The following OR7C1 variants were observed in gnomAD, a reference collection of about 807,000 sequenced individuals.
OR7C1 encodes the protein olfactory receptor family 7 subfamily C member 1.
For synonymous variants in OR7C1, 152 were observed against 160.7 expected (o/e 0.95, Z 0.41); for missense variants, 324 against 383.3 (o/e 0.85, Z 1.29).
At chr19:14,831,636 G>A (rs1190531457) in intron 1 of OR7C1, among the ~76,000 whole-genome samples, 2 of 152,042 alleles carry the variant, frequency 1.3e-5, no homozygotes, top group Middle Eastern at 3.4e-3. Context: ...GTAGAGATGG[G>A]GTTTCACCAT....
chr19:14,832,761 G>A (rs2044846081), intron 1 of OR7C1, among the ~76,000 whole-genome samples: 1 of 151,962 alleles, frequency 6.6e-6, no homozygotes, highest in South Asian at 2.1e-4. Context: ...GACGATGTAT[G>A]CATTATTAAA....
intron 1 of OR7C1, among the ~76,000 whole-genome samples, chr19:14,813,072 C>CAAAAAAAAA (rs61686100): frequency 1.1e-5 from 1 of 87,706 alleles, no homozygotes; most frequent in African/African-American, 3.7e-5. Context: ...GATTCCATCT[C>CAAAAAAAAA]AAAAAAAAAA....
chr19:14,824,935 T>G (rs1405480513), intron 1 of OR7C1: 1 of 152,200 alleles, frequency 6.6e-6, no homozygotes, highest in Non-Finnish European at 1.5e-5. Flanking sequence ...CTAAACAATG[T>G]CAAATACTGA....
intron 1 of OR7C1, among the ~76,000 whole-genome samples, chr19:14,813,144 A>C (rs551054017): frequency 1.1e-4 from 17 of 152,274 alleles, no homozygotes; most frequent in Non-Finnish European, 1.8e-4. Context: ...CTTCAAACCA[A>C]TATACCATAT....
At chr19:14,827,961 TA>T (rs751797631) in intron 1 of OR7C1, 1 of 1,614,082 alleles carries the variant, frequency 6.2e-7, no homozygotes, top group African/African-American at 1.3e-5. Context: ...GCAGGCTATG[TA>T]GGTGATGACT....
intron 2 of OR7C1, among the ~76,000 whole-genome samples, chr19:14,809,605 T>G (rs1199437805): frequency 6.6e-6 from 1 of 150,392 alleles, no homozygotes; most frequent in African/African-American, 2.5e-5. Context: ...AAACAGAGAT[T>G]GGAAGCAAGA....
intron 1 of OR7C1, among the ~76,000 whole-genome samples, chr19:14,817,064 G>A (rs1477243941): frequency 1.3e-5 from 2 of 152,058 alleles, no homozygotes; most frequent in South Asian, 2.1e-4. Context: ...GAAAAAAAAT[G>A]TCTAACAAAC....
chr19:14,815,249 C>T (rs1368900325), intron 1 of OR7C1, among the ~76,000 whole-genome samples: 9 of 152,176 alleles, frequency 5.9e-5, no homozygotes, highest in Admixed American at 4.6e-4. Context: ...TGCTCACTTG[C>T]GTGCTTTTCT....
At chr19:14,818,104 T>TTATC in intron 1 of OR7C1, among the ~76,000 whole-genome samples, 1 of 150,838 alleles carries the variant, frequency 6.6e-6, no homozygotes, top group South Asian at 2.1e-4. Context: ...ATTTATTTAT[T>TTATC]TTTGAGACGG....
chr19:14,828,571 C>T (rs1417549234), intron 1 of OR7C1, among the ~76,000 whole-genome samples: 1 of 151,722 alleles, frequency 6.6e-6, no homozygotes, highest in Non-Finnish European at 1.5e-5. Context: ...CCATCCTGGC[C>T]AACATGGTGA....
chr19:14,826,552 C>T (rs944590469), intron 1 of OR7C1: 2 of 152,088 alleles, frequency 1.3e-5, no homozygotes, highest in African/African-American at 4.8e-5. Flanking sequence ...TGAGTCCATG[C>T]ACATCATAAA....
chr19:14,822,012 G>A (rs530435070), intron 1 of OR7C1, among the ~76,000 whole-genome samples: 26 of 152,286 alleles, frequency 1.7e-4, no homozygotes, highest in African/African-American at 5.1e-4. Context: ...AGGTTCATCC[G>A]TGTGGTCACA....
chr19:14,828,375 G>A, intron 1 of OR7C1: 1 of 1,068,556 alleles, frequency 9.4e-7, no homozygotes, highest in South Asian at 1.7e-5. Context: ...TATGAATCTG[G>A]TTCTCTTTAA....
At chr19:14,799,855 A>G in exon 5 of OR7C1, 2 of 1,614,200 alleles carry the variant, frequency 1.2e-6, no homozygotes, top group East Asian at 2.2e-5. Flanking sequence ...GACAGCCTGC[A>G]TATGTTATGA....
chr19:14,799,642 C>T, exon 5 of OR7C1: 1 of 1,614,020 alleles, frequency 6.2e-7, no homozygotes, highest in East Asian at 2.2e-5. Context: ...AGAAGGACAG[C>T]CTCAAAACAG....
chr19:14,811,067 A>G (rs1327460231), intron 1 of OR7C1, among the ~76,000 whole-genome samples: 2 of 151,840 alleles, frequency 1.3e-5, no homozygotes, highest in African/African-American at 2.4e-5. Flanking sequence ...TTTGGGTCCT[A>G]TGTTCTCTGT....
chr19:14,814,839 AC>A (rs2044708950), intron 1 of OR7C1, among the ~76,000 whole-genome samples: 1 of 152,126 alleles, frequency 6.6e-6, no homozygotes, highest in African/African-American at 2.4e-5. Flanking sequence ...ACCTCGTTAT[AC>A]CCCTTCCTTT....
chr19:14,804,027 T>A (rs2044655028), intron 2 of OR7C1, among the ~76,000 whole-genome samples: 1 of 152,040 alleles, frequency 6.6e-6, no homozygotes, highest in Non-Finnish European at 1.5e-5. Context: ...TCTTTTTAAC[T>A]CCTATATCAG....
chr19:14,830,273 G>C (rs988519800), intron 1 of OR7C1, among the ~76,000 whole-genome samples: 1 of 152,130 alleles, frequency 6.6e-6, no homozygotes, highest in African/African-American at 2.4e-5. Flanking sequence ...CTTCCATTTT[G>C]GTATGACTGT....
Sources: allele counts gnomAD v4.1 joint callset (sites outside exome capture counted in the v4.1 genomes callset), GRCh38; gene constraint gnomAD v4.1.1; transcripts MANE v1.5; gene names NCBI Gene and HGNC (gene_info 2026-07-23, HGNC 2026-07-21).